Variants in AP1G2 observed in about 807,000 individuals in gnomAD.
AP1G2 encodes AP-1 complex subunit gamma-like 2.
In AP1G2, 85 loss-of-function variants were observed where a neutral mutation model predicts 95.8. The observed-to-expected ratio is 0.89, with a 90% CI of 0.74 to 1.06. The LOEUF is 1.06. Ranked by LOEUF, AP1G2 falls within the 50% of genes least tolerant of loss-of-function variation. The pLI is 0.00. For synonymous variants in AP1G2, 378 were observed against 400.0 expected (o/e 0.94, Z 0.66); for missense variants, 967 against 1,005.8 (o/e 0.96, Z 0.52).
At position 23,565,872 on chromosome 14, in the gene AP1G2, T is replaced by A; in HGVS notation, c.589A>T (p.Thr197Ser). The A allele has an allele frequency of 1.3e-6, 2 of 1,583,860 alleles. No individual in the cohort carries two copies. Among genetic ancestry groups the A allele is most frequent in the Non-Finnish European group, 1.7e-6 (2 of 1,166,472 alleles). Residue 197 changes from threonine (T) to serine (S), a missense_variant, in exon 6 of 22, where the codon ACG becomes TCG. By Grantham distance (58) the Thr-to-Ser change is moderately conservative. Coordinates refer to ENST00000397120, the MANE Select transcript of AP1G2 (RefSeq NM_003917.5). ...RHHGILLGTI[T>S]LITELCERSP... ...CGTTCGCAGAGCTCCGTGATCAGCG[T>A]GATGGTGCCCAGCAGGATGCCTGGG...
rs146957849 is a variant in AP1G2 at position 23,563,613 on chromosome 14, T to C, written c.1258A>G (p.Ile420Val). ...GTCAGCACATGCAGGATGGTGTCTA[T>C]GTGCCAGCGTTTGGTTGGAGCAAAC... ...ERFAPTKRWH[I>V]DTILHVLTTA... The change falls in exon 13 of 22, where the codon ATA becomes GTA. Residue 420 changes from isoleucine (I) to valine (V), a missense_variant. Ile to Val is a conservative substitution (Grantham distance 29). Transcript: ENST00000397120. 5 of 1,614,112 alleles carry C rather than the reference T, an allele frequency of 3.1e-6. No individual in the cohort carries two copies. The highest frequency in any genetic ancestry group is 3.3e-5 in the Admixed American group (2 of 60,014).
Position 23,561,963 on chromosome 14 carries a change from T to C in AP1G2, c.1732A>G (p.Arg578Gly). Residue 578 changes from arginine (R) to glycine (G), a missense_variant and splice_region_variant, in exon 17 of 22, where the codon AGG becomes GGG. Physicochemically the swap from Arg to Gly is moderately radical, Grantham distance 125. Transcript: ENST00000397120. ...DTLFRKYDHM[R>G]AAILEKMPLV... ...GCTGCAGCACAGTGCTGGACACACC[T>C]CATGTGGTCGTATTTCCGGAAGAGT... 1.9e-6 allele frequency: 3 copies of C among 1,608,146 alleles called. No individual in the cohort carries two copies. Among genetic ancestry groups the C allele is most frequent in the Non-Finnish European group, 2.5e-6 (3 of 1,177,366 alleles).
In AP1G2 at chr14:23,565,131, G is replaced by T; in HGVS notation, c.810C>A (p.Asp270Glu). The change falls in exon 8 of 22, where the codon GAC becomes GAA. Residue 270 changes from aspartate (D) to glutamate (E), a missense_variant. Transcript: ENST00000397120. Reference sequence around the variant, plus strand: ...TCCCAGGCCCCACCTGGGCCAGCAAGTCATTCATGGTCTCACTGCTCTCCT... The same window carrying T: ...TCCCAGGCCCCACCTGGGCCAGCAATTCATTCATGGTCTCACTGCTCTCCT... Reference protein sequence around the residue: ...NHEESSETMNDLLAQVATNTD... With the variant: ...NHEESSETMNELLAQVATNTD... The T allele has an allele frequency of 8.7e-6, 14 of 1,614,230 alleles. No individual in the cohort carries two copies. The highest frequency in any genetic ancestry group is 1.2e-5 in the Non-Finnish European group (14 of 1,180,036).
chr14:23,564,923 T>C, intron 8 of AP1G2, 196 bp downstream of exon 8: 2 of 648,734 alleles, frequency 3.1e-6, no homozygotes, highest in Non-Finnish European at 5.3e-6. Context: ...GAGGCTCTAC[T>C]ATGTGCCAGG....
intron 14 of AP1G2, 82 bp from the exon 15 acceptor site, chr14:23,562,675 G>A: frequency 7.0e-7 from 1 of 1,436,504 alleles, no homozygotes; most frequent in Non-Finnish European, 9.5e-7. Flanking sequence ...GGCTGAGGCG[G>A]GAGGATTGCT....
At chr14:23,565,506 C>T in intron 7 of AP1G2, 100 bp downstream of exon 7, 1 of 1,074,796 alleles carries the variant, frequency 9.3e-7, no homozygotes, top group Non-Finnish European at 1.4e-6. Context: ...CTGCCCAGGA[C>T]ACTGAGAGAA....
rs1885357017 is a variant in AP1G2 at position 23,562,426 on chromosome 14, G to A, written c.1501-11C>T. 3.7e-6 allele frequency: 6 copies of A among 1,614,026 alleles called. No homozygotes were observed. The highest frequency in any genetic ancestry group is 5.1e-6 in the Non-Finnish European group (6 of 1,180,022). ...TTCCTCTTCGTCCACCTTCAGACAT[G>A]GATACAGTTAGTGGCCCTGGTGCAA... On this transcript the variant is annotated splice_polypyrimidine_tract_variant and intron_variant, in intron 15 of 21. Transcript: ENST00000397120.
intron 8 of AP1G2, 187 bp downstream of exon 8, chr14:23,564,932 G>A (rs894694647): frequency 1.5e-6 from 1 of 662,728 alleles, no homozygotes; most frequent in East Asian, 2.7e-5. Flanking sequence ...CTATGTGCCA[G>A]GGCCAGCCTG....
rs1204307951 is a variant in AP1G2 at position 23,560,434 on chromosome 14, A to G, written c.1994-16T>C. The G allele has an allele frequency of 9.9e-6, 16 of 1,608,414 alleles. No homozygotes were observed. Among genetic ancestry groups the G allele is most frequent in the Non-Finnish European group, 1.4e-5 (16 of 1,176,330 alleles). ...GGGATGGGAGCTGGAGTAGGGAGAC[A>G]GAAGCAGCTCAGTGTGCAGGTTTGA... On this transcript the variant is annotated splice_polypyrimidine_tract_variant and intron_variant, in intron 19 of 21. Transcript: ENST00000397120.
chr14:23,560,036 T>G lies in AP1G2; in HGVS notation c.2158A>C (p.Ser720Arg). 1 of 1,599,226 alleles carries G rather than the reference T, an allele frequency of 6.3e-7. No individual in the cohort carries two copies. The highest frequency in any genetic ancestry group is 8.6e-7 in the Non-Finnish European group (1 of 1,169,294). ...HFICQAAVPK[S>R]LQLQLQAPSG... Reference sequence around the variant, plus strand: ...GGGGCCTGCAGCTGCAGCTGGAGACTCTGAACACAGGAGTTTAACAGAGCA... The same window carrying G: ...GGGGCCTGCAGCTGCAGCTGGAGACGCTGAACACAGGAGTTTAACAGAGCA... Residue 720 changes from serine to arginine, a missense_variant and splice_region_variant, in exon 21 of 22, where the codon AGT becomes CGT. By Grantham distance (110) the Ser-to-Arg change is moderately radical (BLOSUM62 -1). Coordinates refer to ENST00000397120, the MANE Select transcript of AP1G2 (RefSeq NM_003917.5).
chr14:23,567,278 C>A lies in AP1G2; in HGVS notation c.37G>T (p.Glu13Ter), dbSNP rs1437136693. The change falls in exon 2 of 22, where the codon GAA becomes TAA. Residue 13 changes from glutamate (E) to a stop codon, truncating the protein, a stop_gained. Transcript: ENST00000397120. LOFTEE classifies it high-confidence loss of function. The surrounding 1 kb of genome is among the most constrained non-coding windows in gnomAD (Gnocchi z 5.3). Reference protein sequence around the residue: ...VPSLKLQDLIEEIRGAKTQAQ... With the variant: ...VPSLKLQDLI The stretch of plus-strand genomic sequence containing the variant: ...TGAGTCTTGGCCCCGCGAATCTCTT[C>A]GATGAGGTCCTGAAGCTTCAGCGAA... 1 of 1,613,294 alleles carries A rather than the reference C, an allele frequency of 6.2e-7. No individual in the cohort carries two copies.
chr14:23,567,011 G>A lies in AP1G2; in HGVS notation c.204+100C>T. 1.0e-5 allele frequency: 13 copies of A among 1,292,758 alleles called. No homozygotes were observed. Among genetic ancestry groups the A allele is most frequent in the Non-Finnish European group, 1.4e-5 (13 of 949,484 alleles). 80.1% of individuals were successfully genotyped at this position (1,292,758 alleles called of 1,614,324 possible). Reference sequence around the variant, plus strand: ...TGCAGGCTGTGAAGACTCTGAAATTGTAGAATTTAAAAAACCAGGGCATAA... The same window carrying A: ...TGCAGGCTGTGAAGACTCTGAAATTATAGAATTTAAAAAACCAGGGCATAA... On this transcript the variant is annotated intron_variant, in intron 2 of 21. Coordinates refer to ENST00000397120, the MANE Select transcript of AP1G2 (RefSeq NM_003917.5). This position sits in a 1 kb window ranked among gnomAD's most constrained non-coding sequence, Gnocchi z 5.3.
Position 23,565,279 on chromosome 14 carries a change from G to C in AP1G2, c.742-80C>G. The C allele has an allele frequency of 3.5e-6, 5 of 1,434,386 alleles. No individual in the cohort carries two copies. In the East Asian group the frequency reaches 1.2e-4, roughly 35 times the overall value. 88.9% of individuals were successfully genotyped at this position (1,434,386 alleles called of 1,614,324 possible). On this transcript the variant is annotated intron_variant, in intron 7 of 21. Transcript: ENST00000397120. ...GGGGCTGAGGAGAAAACTCCAACAT[G>C]TGAGGGTCTGGCTCGCTCCCTAGAG... is the stretch of plus-strand genomic sequence containing the variant.
At chr14:23,565,995 TTCCCA>T in intron 5 of AP1G2, 64 bp downstream of exon 5, 1 of 1,613,218 alleles carries the variant, frequency 6.2e-7, no homozygotes, top group Non-Finnish European at 8.5e-7. Context: ...TGAGCTGGGG[TTCCCA>T]TCCGATTTTC....
At chr14:23,563,184 C>G (rs1595308969) in intron 14 of AP1G2, 196 bp downstream of exon 14, 5 of 1,434,222 alleles carry the variant, frequency 3.5e-6, no homozygotes, top group Non-Finnish European at 3.6e-6. Flanking sequence ...TCTGTAGTTA[C>G]ATAACCAGGA....
chr14:23,567,475 TC>T lies in AP1G2; in HGVS notation c.-5-157del. 7.2e-7 allele frequency: 1 copy of T among 1,393,134 alleles called. No homozygotes were observed. Among genetic ancestry groups the T allele is most frequent in the South Asian group, 1.6e-5 (1 of 60,614 alleles). The allele number at this position is 1,393,134 out of a possible 1,614,324, so 86.3% of individuals were successfully genotyped here. On this transcript the variant is annotated intron_variant, in intron 1 of 21. Coordinates refer to ENST00000397120, the MANE Select transcript of AP1G2 (RefSeq NM_003917.5). The surrounding 1 kb of genome is among the most constrained non-coding windows in gnomAD (Gnocchi z 5.3). ...CCTTTCCCGAAGTGGGTCTCCAAAT[TC>T]CGCGCCCACCCCACCGCCCGAGAAG...
At position 23,562,370 on chromosome 14, in the gene AP1G2, A is replaced by G. The variant is rs773328826; in HGVS notation, c.1546T>C (p.Ser516Pro). ...CGAGTGGCTGGCAGGGACATGTGGG[A>G]CTGCAGCACCTTTTCCAGCAATGCC... is the stretch of plus-strand genomic sequence containing the variant. ...VLALLEKVLQ[S>P]HMSLPATRGY... Residue 516 changes from serine (S) to proline (P), a missense_variant, in exon 16 of 22, where the codon TCC becomes CCC. By Grantham distance (74) the Ser-to-Pro change is moderately conservative. Transcript: ENST00000397120. The G allele has an allele frequency of 2.5e-6, 4 of 1,613,946 alleles. No homozygotes were observed. The East Asian group carries it at 8.9e-5, about 36-fold the overall frequency.
Position 23,567,673 on chromosome 14 carries a change from C to G in AP1G2, c.-6+66G>C, listed in dbSNP as rs2139436735. 1 of 974,238 alleles carries G rather than the reference C, an allele frequency of 1.0e-6. No individual in the cohort carries two copies. The highest frequency in any genetic ancestry group is 3.8e-5 in the South Asian group (1 of 26,176). 60.3% of individuals were successfully genotyped at this position (974,238 alleles called of 1,614,324 possible). On this transcript the variant is annotated intron_variant, in intron 1 of 21. Transcript: ENST00000397120. The surrounding 1 kb of genome is among the most constrained non-coding windows in gnomAD (Gnocchi z 5.3). ...CTGTTTCTTCCGCGAGCTTCCTCCC[C>G]CGATTTCCATCTCAGGCAGCGGCAG... is the stretch of plus-strand genomic sequence containing the variant.
chr14:23,561,885 G>T, intron 17 of AP1G2, 77 bp downstream of exon 17: 1 of 1,524,638 alleles, frequency 6.6e-7, no homozygotes, highest in East Asian at 2.5e-5. Context: ...TGAGGATGAG[G>T]CCCTTGTACC....
Sources: allele counts gnomAD v4.1 joint callset, GRCh38; gene constraint gnomAD v4.1.1; non-coding constraint Gnocchi (gnomAD v3.1); transcripts MANE v1.5; gene names NCBI Gene and HGNC (gene_info 2026-07-23, HGNC 2026-07-21).